Variants in SCN10A observed in about 807,000 individuals in gnomAD.
SCN10A encodes sodium voltage-gated channel alpha subunit 10.
In SCN10A, 162 loss-of-function variants were observed where a neutral mutation model predicts 170.7. The ratio of observed to expected loss-of-function variants is 0.95; its 90% CI spans 0.84 to 1.08. The LOEUF (loss-of-function observed/expected upper bound fraction) is 1.08, where lower values mean the gene tolerates loss of function less well. Among genes scored for constraint, SCN10A ranks in the 50% least tolerant of loss-of-function variants. SCN10A has a pLI of 0.00. For synonymous variants in SCN10A, 985 were observed against 904.6 expected (o/e 1.09, Z -1.59); for missense variants, 2,527 against 2,436.9 (o/e 1.04, Z -0.78).
intron 8 of SCN10A, among the ~76,000 whole-genome samples, chr3:38,757,943 G>T (rs959771249): frequency 1.3e-5 from 2 of 152,204 alleles, no homozygotes; most frequent in South Asian, 4.1e-4. Context: ...GGAGCGTAAA[G>T]TGCTCTCATC....
chr3:38,806,916 T>G (rs2064408284), intron 1 of SCN10A, among the ~76,000 whole-genome samples: 1 of 152,176 alleles, frequency 6.6e-6, no homozygotes, highest in South Asian at 2.1e-4. Flanking sequence ...AGTTTTCTCA[T>G]TTGTACAATG....
At chr3:38,726,372 C>T (rs2063454546) in intron 17 of SCN10A, among the ~76,000 whole-genome samples, 2 of 152,202 alleles carry the variant, frequency 1.3e-5, no homozygotes, top group Admixed American at 6.5e-5. Context: ...AATCCCCAAG[C>T]ACCTCAAGGT....
chr3:38,795,041 C>G (rs982944292), intron 1 of SCN10A, among the ~76,000 whole-genome samples: 2 of 152,062 alleles, frequency 1.3e-5, no homozygotes, highest in Non-Finnish European at 2.9e-5. Flanking sequence ...TTTTTTCTCT[C>G]TCCTTGTCTG....
At chr3:38,807,754 T>C (rs2064414734) in intron 1 of SCN10A, among the ~76,000 whole-genome samples, 1 of 152,152 alleles carries the variant, frequency 6.6e-6, no homozygotes, top group South Asian at 2.1e-4. Context: ...CCCCTATAAA[T>C]TGGTTGCTTC....
intron 5 of SCN10A, among the ~76,000 whole-genome samples, chr3:38,768,071 T>C (rs1031928066): frequency 6.6e-6 from 1 of 152,162 alleles, no homozygotes; most frequent in Non-Finnish European, 1.5e-5. Flanking sequence ...TGCTTGCTTT[T>C]GGTTTCCATT....
chr3:38,740,087 T>G (rs2063615230), intron 14 of SCN10A, among the ~76,000 whole-genome samples: 1 of 152,202 alleles, frequency 6.6e-6, no homozygotes, highest in Non-Finnish European at 1.5e-5. Flanking sequence ...TATGTAAGCT[T>G]GGACAAATAA....
At chr3:38,716,411 G>T (rs1373918166) in intron 21 of SCN10A, among the ~76,000 whole-genome samples, 2 of 152,012 alleles carry the variant, frequency 1.3e-5, no homozygotes, top group African/African-American at 4.8e-5. Context: ...TATTATAAGG[G>T]GGAGTTTCCC....
intron 6 of SCN10A, among the ~76,000 whole-genome samples, chr3:38,761,848 GAGAGAGAGAGAGAGAGAA>G (rs1195594884): frequency 6.6e-6 from 1 of 151,388 alleles, no homozygotes; most frequent in African/African-American, 2.4e-5. Context: ...GAGAGAGAGA[GAGAGAGAGAGAGAGAGAA>G]AGAGAGAGAG....
rs371463277 is a variant in SCN10A at position 38,786,091 on chromosome 3, C to G, written c.470+2865G>C. 9.4e-4 allele frequency among the ~76,000 whole-genome samples: 143 copies of G among 152,134 alleles called. 2 individuals carry two copies. In the South Asian group the frequency reaches 0.029, roughly 31 times the overall value. On this transcript the variant is annotated intron_variant, in intron 4 of 27. Coordinates refer to ENST00000449082, the MANE Select transcript of SCN10A (RefSeq NM_006514.4). ...GTGGTGATTCCTCAAGGATCTAGAA[C>G]CAGAAACACCATTTGACCCAGCAAT...
chr3:38,743,633 C>T, intron 13 of SCN10A, among the ~76,000 whole-genome samples: 1 of 152,130 alleles, frequency 6.6e-6, no homozygotes, highest in East Asian at 1.9e-4. Flanking sequence ...TTATATTGTT[C>T]TCTTTGAAAC....
Position 38,780,055 on chromosome 3 carries a change from A to T in SCN10A, c.471-8648T>A, listed in dbSNP as rs961291352. Among the ~76,000 whole-genome samples the T allele has an allele frequency of 2.0e-5, 3 of 152,062 alleles. No homozygotes were observed. In the East Asian group the frequency reaches 5.8e-4, roughly 29 times the overall value. ...ATTACTAGGTCATCTATAATTTTAC[A>T]TACTTTTTAATACATTTGATCTGTT... On this transcript the variant is annotated intron_variant, in intron 4 of 27. Coordinates refer to ENST00000449082, the MANE Select transcript of SCN10A (RefSeq NM_006514.4).
intron 4 of SCN10A, among the ~76,000 whole-genome samples, chr3:38,784,732 C>T (rs910827013): frequency 2.0e-5 from 3 of 151,940 alleles, no homozygotes; most frequent in African/African-American, 7.3e-5. Context: ...TTTAGAAAAC[C>T]CCATCATCTC....
intron 3 of SCN10A, among the ~76,000 whole-genome samples, chr3:38,789,863 G>A (rs769076003): frequency 6.6e-6 from 1 of 152,098 alleles, no homozygotes; most frequent in Non-Finnish European, 1.5e-5. Context: ...TTCCCACTTG[G>A]ACATTTTTCT....
chr3:38,752,727 A>G (rs767161420), intron 11 of SCN10A, among the ~76,000 whole-genome samples: 75 of 152,224 alleles, frequency 4.9e-4, no homozygotes, highest in South Asian at 4.1e-4. Flanking sequence ...AAAGACCAGG[A>G]GAGAGGAGAG....
chr3:38,794,096 T>A, intron 1 of SCN10A, 54 bp from the exon 2 acceptor site: 5 of 1,210,670 alleles, frequency 4.1e-6, no homozygotes, highest in African/African-American at 1.5e-5. Flanking sequence ...ACTGGCCCTG[T>A]CCCTCTCATC....
intron 4 of SCN10A, among the ~76,000 whole-genome samples, chr3:38,785,674 C>G (rs1345151881): frequency 6.6e-6 from 1 of 152,122 alleles, no homozygotes; most frequent in Non-Finnish European, 1.5e-5. Flanking sequence ...GCAAAAGAAA[C>G]TATCATCAGA....
rs1373203991 is a variant in SCN10A, at chr3:38,755,664, T to G, written c.1461+124A>C. On this transcript the variant is annotated intron_variant, in intron 11 of 27. Transcript: ENST00000449082. ...TAAGACACCATTTTGGAGGGGTGTCTGGATCCTTTTAGGCTCTATGCCTCC... is the reference window on the plus strand; with the variant it reads ...TAAGACACCATTTTGGAGGGGTGTCGGGATCCTTTTAGGCTCTATGCCTCC... 4 of 1,115,370 alleles carry G rather than the reference T, an allele frequency of 3.6e-6. No individual in the cohort carries two copies. The East Asian group carries it at 9.5e-5, about 26-fold the overall frequency. 69.1% of individuals were successfully genotyped at this position (1,115,370 alleles called of 1,614,324 possible). A position where few individuals can be genotyped will look rare whatever the true frequency, so the allele number is the denominator to read the frequency against.
At chr3:38,792,350 A>G (rs2064293522) in intron 2 of SCN10A, among the ~76,000 whole-genome samples, 182 bp from the exon 3 acceptor site, 2 of 152,180 alleles carry the variant, frequency 1.3e-5, no homozygotes, top group African/African-American at 4.8e-5. Context: ...ACTAAAAGCC[A>G]TATCCTCACC....
Position 38,756,807 on chromosome 3 carries a change from A to C in SCN10A, c.1157T>G (p.Phe386Cys), listed in dbSNP as rs78555408. ...AGCCAAGATCAAGTTGACCAGGTAG[A>C]AAGATCCCAGGAAGATTACGAGCAC... ...FFVLVIFLGSFYLVNLILAVV... is the reference protein window; with the variant it reads ...FFVLVIFLGSCYLVNLILAVV... Residue 386 changes from phenylalanine (F) to cysteine (C), a missense_variant, in exon 10 of 28, where the codon TTC (phenylalanine) becomes TGC (cysteine). Physicochemically the swap from Phe to Cys is radical, Grantham distance 205. Transcript: ENST00000449082. 324 of 1,614,206 alleles carry C rather than the reference A, an allele frequency of 2.0e-4. 1 individual carries two copies. The East Asian group carries it at 6.7e-3, about 33-fold the overall frequency.
Sources: gnomAD v4.1 joint callset for allele counts (sites outside exome capture counted in the v4.1 genomes callset) on GRCh38, gnomAD v4.1.1 for gene constraint, MANE v1.5 for transcripts, NCBI Gene and HGNC (gene_info 2026-07-23, HGNC 2026-07-21) for gene names.